MAGI3: variants seen among roughly 807,000 people sequenced by gnomAD.
MAGI3 encodes membrane associated guanylate kinase, WW and PDZ domain containing 3.
MAGI3 carries 43 observed loss-of-function variants against 121.8 expected under a neutral mutation model. That is an observed-to-expected ratio of 0.35 (90% confidence interval 0.28 to 0.46). MAGI3 has a LOEUF of 0.46. Ranked by LOEUF, MAGI3 falls within the 20% of genes least tolerant of loss-of-function variation. The probability of loss-of-function intolerance (pLI) is 1.00; values close to 1 mark genes in which losing one functional copy is unlikely to be tolerated. For missense variants in MAGI3, 1,547 were observed against 1,797.3 expected (o/e 0.86, Z 2.52); for synonymous variants, 553 against 639.3 (o/e 0.86, Z 2.04).
rs573956703 is a variant in MAGI3, at chr1:113,478,303, T to C, written c.317-71212T>C. Among the ~76,000 whole-genome samples the C allele has an allele frequency of 6.6e-5, 10 of 152,320 alleles. No individual in the cohort carries two copies. The South Asian group carries it at 2.1e-3, about 32-fold the overall frequency. On this transcript the variant is annotated intron_variant, in intron 1 of 20. Coordinates refer to ENST00000307546, the MANE Select transcript of MAGI3 (RefSeq NM_001142782.2). ...AGGAGCTGCAAACCTTTGGAGGAGATGAGGTGCTCTGATTTTTAGAATTTT... is the reference window on the plus strand; with the variant it reads ...AGGAGCTGCAAACCTTTGGAGGAGACGAGGTGCTCTGATTTTTAGAATTTT...
At chr1:113,636,387 A>G (rs1418182733) in intron 9 of MAGI3, among the ~76,000 whole-genome samples, 3 of 152,178 alleles carry the variant, frequency 2.0e-5, no homozygotes, top group Non-Finnish European at 4.4e-5. Context: ...TTCCCTCTAC[A>G]CACTGCTTTG....
chr1:113,684,773 G>A lies in MAGI3; in HGVS notation c.*759G>A, dbSNP rs1327420558. 2 of 152,304 alleles carry A rather than the reference G, an allele frequency of 1.3e-5. No individual in the cohort carries two copies. Among genetic ancestry groups the A allele is most frequent in the African/African-American group, 2.4e-5 (1 of 41,428 alleles). 9.4% of individuals were successfully genotyped at this position (152,304 alleles called of 1,614,324 possible). On this transcript the variant is annotated 3_prime_UTR_variant, in exon 21 of 21. Transcript: ENST00000307546. ...TCCTGCTGTGTTATCCAACCTCGAT[G>A]TATACTTACAGCATCTCAGGTCACC...
At chr1:113,465,911 G>T (rs903441108) in intron 1 of MAGI3, among the ~76,000 whole-genome samples, 2 of 151,998 alleles carry the variant, frequency 1.3e-5, no homozygotes, top group Admixed American at 6.6e-5. Flanking sequence ...GAATCTTTAG[G>T]TTTTTCTGAG....
intron 6 of MAGI3, among the ~76,000 whole-genome samples, chr1:113,606,860 T>G (rs1222739799): frequency 6.6e-6 from 1 of 152,184 alleles, no homozygotes; most frequent in Non-Finnish European, 1.5e-5. Context: ...TGCCAATATA[T>G]TATTATGCAA....
chr1:113,439,312 T>C (rs1467368437), intron 1 of MAGI3, among the ~76,000 whole-genome samples: 2 of 152,238 alleles, frequency 1.3e-5, no homozygotes, highest in Non-Finnish European at 2.9e-5. Flanking sequence ...GATAACAAAC[T>C]GGTAAGCGAA....
At chr1:113,615,300 T>C (rs940294598) in intron 7 of MAGI3, among the ~76,000 whole-genome samples, 7 of 152,210 alleles carry the variant, frequency 4.6e-5, no homozygotes, top group Admixed American at 4.6e-4. Flanking sequence ...TACAATGTTA[T>C]GACCATTGGG....
intron 1 of MAGI3, among the ~76,000 whole-genome samples, chr1:113,453,039 A>C (rs1654560470): frequency 1.3e-5 from 2 of 152,196 alleles, no homozygotes; most frequent in Non-Finnish European, 2.9e-5. Context: ...GATATACTTT[A>C]TAAGTATATA....
chr1:113,682,159 G>GAT (rs1648257924), intron 20 of MAGI3: 1 of 834,348 alleles, frequency 1.2e-6, no homozygotes, highest in Admixed American at 2.7e-5. Flanking sequence ...TAACTGCACT[G>GAT]ATTTTTTTTT....
chr1:113,449,388 T>TGTGTGTGTGTGTGTGA, intron 1 of MAGI3, among the ~76,000 whole-genome samples: 1 of 151,260 alleles, frequency 6.6e-6, no homozygotes, highest in South Asian at 2.1e-4. Flanking sequence ...TGTGTGTGTG[T>TGTGTGTGTGTGTGTGA]GACAGAGAGA....
chr1:113,585,220 G>A (rs912129684), intron 3 of MAGI3, among the ~76,000 whole-genome samples, 167 bp from the exon 4 acceptor site: 3 of 151,828 alleles, frequency 2.0e-5, no homozygotes, highest in African/African-American at 7.3e-5. Flanking sequence ...CACCCATCTC[G>A]ACCTCCCAAA....
chr1:113,617,023 G>T (rs1650516164), intron 7 of MAGI3, among the ~76,000 whole-genome samples: 1 of 151,848 alleles, frequency 6.6e-6, no homozygotes, highest in Admixed American at 6.6e-5. Flanking sequence ...CCCAGTAGCT[G>T]AGATTATAGG....
intron 4 of MAGI3, among the ~76,000 whole-genome samples, chr1:113,586,722 A>G (rs1036300075): frequency 6.6e-6 from 1 of 152,186 alleles, no homozygotes; most frequent in Non-Finnish European, 1.5e-5. Context: ...TAAAAATGCT[A>G]AACAGTAGGA....
At chr1:113,407,933 T>G (rs985467772) in intron 1 of MAGI3, among the ~76,000 whole-genome samples, 1 of 152,160 alleles carries the variant, frequency 6.6e-6, no homozygotes, top group Non-Finnish European at 1.5e-5. Context: ...AGCACGGCAC[T>G]TAGGACTTGT....
intron 1 of MAGI3, among the ~76,000 whole-genome samples, chr1:113,532,006 G>C (rs1334244134): frequency 6.6e-6 from 1 of 152,134 alleles, no homozygotes; most frequent in Non-Finnish European, 1.5e-5. Context: ...CTGCTATAAA[G>C]TGAGAACAAA....
intron 19 of MAGI3, among the ~76,000 whole-genome samples, chr1:113,675,765 G>A (rs1477364665): frequency 3.9e-5 from 6 of 152,170 alleles, no homozygotes; most frequent in East Asian, 3.9e-4. Context: ...AAGAGGGACC[G>A]ATGGCCTTAA....
Position 113,684,229 on chromosome 1 carries a change from C to T in MAGI3, c.*215C>T. On this transcript the variant is annotated 3_prime_UTR_variant, in exon 21 of 21. Coordinates refer to ENST00000307546, the MANE Select transcript of MAGI3 (RefSeq NM_001142782.2). ...GCCCTCCCTCGCTCTCAGGAAGGAGCTGCATCCACATGCTCATCTGACCCG... is the reference window on the plus strand; with the variant it reads ...GCCCTCCCTCGCTCTCAGGAAGGAGTTGCATCCACATGCTCATCTGACCCG... 1 of 456,042 alleles carries T rather than the reference C, an allele frequency of 2.2e-6. No individual in the cohort carries two copies. Among genetic ancestry groups the T allele is most frequent in the Admixed American group, 4.1e-5 (1 of 24,112 alleles). 28.2% of individuals were successfully genotyped at this position (456,042 alleles called of 1,614,324 possible). A position where few individuals can be genotyped will look rare whatever the true frequency, so the allele number is the denominator to read the frequency against.
At chr1:113,506,651 A>T (rs1570771053) in intron 1 of MAGI3, among the ~76,000 whole-genome samples, 2 of 152,208 alleles carry the variant, frequency 1.3e-5, no homozygotes, top group South Asian at 4.1e-4. Context: ...GTAGCTTGCC[A>T]CTCACAGAGT....
chr1:113,675,222 C>T (rs1647799800), intron 19 of MAGI3, among the ~76,000 whole-genome samples: 1 of 152,102 alleles, frequency 6.6e-6, no homozygotes, highest in Admixed American at 6.5e-5. Context: ...GTAATTTATG[C>T]ATACAGTGGT....
intron 13 of MAGI3, 81 bp from the exon 14 acceptor site, chr1:113,650,933 C>G: frequency 7.7e-7 from 1 of 1,293,420 alleles, no homozygotes; most frequent in Non-Finnish European, 1.1e-6. Context: ...TGTTGGTTTG[C>G]ACAATGCTAA....
Sources: gnomAD v4.1 joint callset for allele counts (sites outside exome capture counted in the v4.1 genomes callset) on GRCh38, gnomAD v4.1.1 for gene constraint, MANE v1.5 for transcripts, NCBI Gene and HGNC (gene_info 2026-07-23, HGNC 2026-07-21) for gene names.